The following CCSER1 variants were observed in gnomAD, a reference collection of about 807,000 sequenced individuals.
CCSER1 encodes the protein serine-rich coiled-coil domain-containing protein 1.
CCSER1 carries 41 observed loss-of-function variants against 82.0 expected under a neutral mutation model. The ratio of observed to expected loss-of-function variants is 0.50; its 90% CI spans 0.39 to 0.65. The LOEUF (loss-of-function observed/expected upper bound fraction) is 0.65, where lower values mean the gene tolerates loss of function less well. Among genes scored for constraint, CCSER1 ranks in the 30% least tolerant of loss-of-function variants. The pLI is 0.00. For missense variants in CCSER1, 1,119 were observed against 1,064.2 expected, an observed-to-expected ratio of 1.05 and a Z score of -0.72; for synonymous variants, 414 against 383.9, an observed-to-expected ratio of 1.08 and a Z score of -0.92.
chr4:90,443,359 C>A (rs1211391487), intron 4 of CCSER1, among the ~76,000 whole-genome samples: 1 of 152,020 alleles, frequency 6.6e-6, no homozygotes, highest in Non-Finnish European at 1.5e-5. Flanking sequence ...TGAGATACTA[C>A]CACAGTCAGT....
chr4:90,511,219 A>T lies in CCSER1; in HGVS notation c.1724+42865A>T, dbSNP rs1578885034. Reference sequence around the variant, plus strand: ...CAGATCATGAGGTCAAGAGATTGAGACCATCCTGGCCAACATGGTGAAACC... The same window carrying T: ...CAGATCATGAGGTCAAGAGATTGAGTCCATCCTGGCCAACATGGTGAAACC... On this transcript the variant is annotated intron_variant, in intron 5 of 10. Transcript: ENST00000509176. 3.9e-5 allele frequency among the ~76,000 whole-genome samples: 6 copies of T among 152,226 alleles called. No individual in the cohort carries two copies. In the South Asian group the frequency reaches 1.2e-3, roughly 32 times the overall value.
intron 10 of CCSER1, among the ~76,000 whole-genome samples, chr4:91,148,519 T>C (rs1035234603): frequency 6.6e-6 from 1 of 152,088 alleles, no homozygotes; most frequent in Non-Finnish European, 1.5e-5. Flanking sequence ...AGTTCCAGGG[T>C]TCATGTGCGC....
At chr4:90,377,415 G>C (rs1748510640) in intron 3 of CCSER1, among the ~76,000 whole-genome samples, 1 of 152,034 alleles carries the variant, frequency 6.6e-6, no homozygotes, top group Admixed American at 6.6e-5. Flanking sequence ...CATCAATACT[G>C]TATAACACCA....
At chr4:91,496,872 A>G (rs115322499) in intron 10 of CCSER1, among the ~76,000 whole-genome samples, 23,837 of 129,122 alleles carry the variant, frequency 0.18, 3,646 homozygotes, top group Middle Eastern at 0.31. Context: ...TTGAATATAT[A>G]TATTCAATTC....
chr4:91,103,832 A>G (rs1180268053), intron 10 of CCSER1, among the ~76,000 whole-genome samples: 3 of 152,170 alleles, frequency 2.0e-5, no homozygotes, highest in South Asian at 4.1e-4. Context: ...AAAGACAACC[A>G]TAAGGTGTGA....
chr4:91,387,935 G>GA (rs543752912), intron 10 of CCSER1, among the ~76,000 whole-genome samples: 3 of 151,598 alleles, frequency 2.0e-5, no homozygotes, highest in South Asian at 2.1e-4. Context: ...ATGAAATGTA[G>GA]AAAAAAAATG....
rs117622536 is a variant in CCSER1, at chr4:90,658,230, A to G, written c.1932+29998A>G. Among the ~76,000 whole-genome samples the G allele has an allele frequency of 3.8e-4, 58 of 152,244 alleles. 2 individuals are homozygous for G. The East Asian group carries it at 0.011, about 29-fold the overall frequency. ...ATTCCATCTCCTTGTACACCTGATA[A>G]TGTTTAATTAAATAATAGGAGTAAT... is the stretch of plus-strand genomic sequence containing the variant. On this transcript the variant is annotated intron_variant, in intron 6 of 10. Transcript: ENST00000509176.
intron 3 of CCSER1, among the ~76,000 whole-genome samples, chr4:90,318,118 C>T (rs1736498559): frequency 6.6e-6 from 1 of 152,170 alleles, no homozygotes; most frequent in Admixed American, 6.5e-5. Context: ...TTGTGCTTCA[C>T]ACTGTCCTGG....
At chr4:90,544,418 G>C (rs567292236) in intron 5 of CCSER1, among the ~76,000 whole-genome samples, 2 of 152,262 alleles carry the variant, frequency 1.3e-5, no homozygotes, top group African/African-American at 4.8e-5. Context: ...GCATGTGGCA[G>C]AGTCTAGGAA....
intron 10 of CCSER1, among the ~76,000 whole-genome samples, chr4:91,445,783 C>T (rs1027996672): frequency 6.6e-6 from 1 of 151,882 alleles, no homozygotes; most frequent in Non-Finnish European, 1.5e-5. Flanking sequence ...AAAAATTGGC[C>T]CAAGTTGGAG....
chr4:90,929,788 A>T (rs1462665493), intron 9 of CCSER1, among the ~76,000 whole-genome samples: 1 of 152,216 alleles, frequency 6.6e-6, no homozygotes, highest in Non-Finnish European at 1.5e-5. Context: ...GTTGCAGATG[A>T]AATAAATTTT....
At chr4:90,927,295 G>A (rs1246516920) in intron 9 of CCSER1, among the ~76,000 whole-genome samples, 1 of 151,978 alleles carries the variant, frequency 6.6e-6, no homozygotes, top group Non-Finnish European at 1.5e-5. Context: ...AAGTAAAGCA[G>A]TTTCTTCCTT....
At chr4:91,552,931 T>TCCAATACTATATCAAATA (rs1212065116) in intron 10 of CCSER1, among the ~76,000 whole-genome samples, 1 of 151,630 alleles carries the variant, frequency 6.6e-6, no homozygotes, top group East Asian at 1.9e-4. Context: ...CTGGCAAGTG[T>TCCAATACTATATCAAATA]GGACATCCTT....
chr4:90,428,937 G>A (rs1757892047), intron 4 of CCSER1, among the ~76,000 whole-genome samples: 1 of 151,808 alleles, frequency 6.6e-6, no homozygotes, highest in East Asian at 1.9e-4. Flanking sequence ...TGGAATAGCA[G>A]AGGGATATTA....
intron 3 of CCSER1, among the ~76,000 whole-genome samples, chr4:90,335,787 A>G (rs1168465931): frequency 2.6e-5 from 4 of 152,100 alleles, no homozygotes; most frequent in Non-Finnish European, 5.9e-5. Flanking sequence ...TAACTTGTGT[A>G]TTGTTCTCTG....
intron 5 of CCSER1, among the ~76,000 whole-genome samples, chr4:90,492,087 G>A (rs969385288): frequency 2.6e-5 from 4 of 152,168 alleles, no homozygotes; most frequent in African/African-American, 9.7e-5. Context: ...GTTTCAGAAG[G>A]AATGGTGCCA....
At chr4:91,140,899 G>C (rs935545222) in intron 10 of CCSER1, among the ~76,000 whole-genome samples, 1 of 152,030 alleles carries the variant, frequency 6.6e-6, no homozygotes, top group Non-Finnish European at 1.5e-5. Context: ...GATATGATTG[G>C]ACCTGTCACC....
At chr4:90,598,756 T>C (rs1449369169) in intron 5 of CCSER1, among the ~76,000 whole-genome samples, 4 of 152,062 alleles carry the variant, frequency 2.6e-5, no homozygotes, top group Non-Finnish European at 2.9e-5. Context: ...GACACTGGGT[T>C]GGCTCAGGTG....
chr4:90,458,286 C>T (rs1011760025), intron 4 of CCSER1, among the ~76,000 whole-genome samples: 1 of 152,304 alleles, frequency 6.6e-6, no homozygotes, highest in African/African-American at 2.4e-5. Context: ...CACACTGCAA[C>T]CAGCATCTTC....
Sources: gnomAD v4.1 joint callset for allele counts (sites outside exome capture counted in the v4.1 genomes callset) on GRCh38, gnomAD v4.1.1 for gene constraint, MANE v1.5 for transcripts, NCBI Gene and HGNC (gene_info 2026-07-23, HGNC 2026-07-21) for gene names.